The following DMD variants were observed in gnomAD, a reference collection of about 807,000 sequenced individuals.
DMD encodes mutant dystrophin.
DMD carries 63 observed loss-of-function variants against 330.1 expected under a neutral mutation model. The ratio of observed to expected loss-of-function variants is 0.19; its 90% CI spans 0.16 to 0.24. DMD has a LOEUF of 0.24. Ranked by LOEUF, DMD falls within the 10% of genes least tolerant of loss-of-function variation. The pLI is 1.00. For synonymous variants in DMD, 1,223 were observed against 959.8 expected (o/e 1.27, Z -5.07); for missense variants, 3,344 against 2,684.1 (o/e 1.25, Z -5.43).
At chrX:31,228,501 A>T (rs1011844353) in intron 63 of DMD, among the ~76,000 whole-genome samples, 1 of 111,536 alleles carries the variant, frequency 9.0e-6, no homozygotes, top group Non-Finnish European at 1.9e-5. Context: ...GGAAGAGATA[A>T]GTCTCTGCCT....
intron 44 of DMD, among the ~76,000 whole-genome samples, chrX:32,086,532 C>A (rs1243481694): frequency 1.8e-5 from 2 of 111,084 alleles, no homozygotes; most frequent in South Asian, 3.8e-4. Flanking sequence ...GGCATTCATC[C>A]TTTGTTGTTG....
intron 44 of DMD, among the ~76,000 whole-genome samples, chrX:32,048,626 C>T (rs1004319983): frequency 3.6e-5 from 4 of 110,061 alleles, no homozygotes; most frequent in African/African-American, 1.3e-4. Context: ...TTTTTTTCAT[C>T]GTACTTTTAA....
intron 76 of DMD, among the ~76,000 whole-genome samples, chrX:31,137,909 C>T (rs1310144127): frequency 1.8e-5 from 2 of 111,159 alleles, no homozygotes; most frequent in Non-Finnish European, 3.8e-5. Flanking sequence ...GAAAAGTGCT[C>T]CAGACAGAAG....
chrX:32,767,728 TA>T (rs2073157332), intron 7 of DMD, among the ~76,000 whole-genome samples: 1 of 111,917 alleles, frequency 8.9e-6, no homozygotes, highest in Admixed American at 9.5e-5. Flanking sequence ...AACTAGTCTA[TA>T]AAACATTATG....
intron 44 of DMD, among the ~76,000 whole-genome samples, chrX:31,985,922 A>G (rs1219838001): frequency 8.9e-6 from 1 of 112,059 alleles, no homozygotes; most frequent in Non-Finnish European, 1.9e-5. Context: ...GAAACGGGAG[A>G]TGCACAAAGA....
At chrX:31,804,838 CT>C (rs368248678) in intron 50 of DMD, among the ~76,000 whole-genome samples, 1,709 of 97,131 alleles carry the variant, frequency 0.018, 41 homozygotes, top group African/African-American at 0.055. Context: ...TTCAAATTTC[CT>C]TTTTTTTTTT....
Position 33,009,134 on chromosome X carries a change from A to G in DMD, c.93+11005T>C, listed in dbSNP as rs186371649. Among the ~76,000 whole-genome samples, 23 of 17,868 alleles carry G rather than the reference A, an allele frequency of 1.3e-3. 3 individuals are homozygous for G. Among genetic ancestry groups the G allele is most frequent in the African/African-American group, 4.0e-3 (16 of 4,005 alleles). The allele number at this position is 17,868 out of a possible 115,157, so 15.5% of individuals were successfully genotyped here. A position where few individuals can be genotyped will look rare whatever the true frequency, so the allele number is the denominator to read the frequency against. On this transcript the variant is annotated intron_variant, in intron 2 of 78. Transcript: ENST00000357033. ...TATGTGTATATATACGTATATATGT[A>G]TATATATGTGTATATATACGTATAT...
At chrX:32,692,445 A>G (rs1366541230) in intron 9 of DMD, among the ~76,000 whole-genome samples, 2 of 111,622 alleles carry the variant, frequency 1.8e-5, no homozygotes, top group African/African-American at 6.5e-5. Flanking sequence ...CTGTTTGCCA[A>G]TTACTTTCTA....
intron 74 of DMD, among the ~76,000 whole-genome samples, chrX:31,155,604 A>C (rs2038016913): frequency 8.9e-6 from 1 of 111,791 alleles, no homozygotes; most frequent in African/African-American, 3.3e-5. Flanking sequence ...AAATGTAGCC[A>C]ATCAGCAGTT....
At chrX:31,951,139 A>ATG (rs1331847049) in intron 45 of DMD, among the ~76,000 whole-genome samples, 2 of 72,242 alleles carry the variant, frequency 2.8e-5, no homozygotes, top group East Asian at 3.8e-4. Context: ...ATATATATAT[A>ATG]TGTGTATATA....
intron 44 of DMD, among the ~76,000 whole-genome samples, chrX:32,162,361 C>T (rs1051104846): frequency 9.1e-6 from 1 of 110,344 alleles, no homozygotes; most frequent in Non-Finnish European, 1.9e-5. Context: ...AGAGTGTGAT[C>T]TGGCTATTCT....
chrX:32,466,362 A>C (rs1043561250), intron 23 of DMD, among the ~76,000 whole-genome samples: 5 of 111,705 alleles, frequency 4.5e-5, no homozygotes, highest in African/African-American at 9.8e-5. Context: ...ATAATATTTC[A>C]TAATCCTTTT....
intron 7 of DMD, among the ~76,000 whole-genome samples, chrX:32,740,593 A>C (rs954649279): frequency 7.1e-5 from 8 of 111,927 alleles, no homozygotes; most frequent in African/African-American, 2.6e-4. Flanking sequence ...TTTAAGCATT[A>C]TATAATCATA....
chrX:33,137,315 G>C (rs369209807), intron 1 of DMD, among the ~76,000 whole-genome samples: 4 of 111,759 alleles, frequency 3.6e-5, no homozygotes, highest in African/African-American at 1.3e-4. Flanking sequence ...CACATCATCA[G>C]AAGCACTTAA....
chrX:31,817,494 G>A (rs749706455), intron 50 of DMD, among the ~76,000 whole-genome samples: 1 of 110,057 alleles, frequency 9.1e-6, no homozygotes, highest in Non-Finnish European at 1.9e-5. Context: ...CAACATTTGT[G>A]TATTTAACAT....
intron 48 of DMD, among the ~76,000 whole-genome samples, chrX:31,859,784 C>T (rs73217926): frequency 0.051 from 5,746 of 112,324 alleles, 163 homozygotes; most frequent in Non-Finnish European, 0.081. Context: ...TTAAGTATTG[C>T]AAATTGCAAG....
At chrX:32,044,712 G>T (rs533407633) in intron 44 of DMD, among the ~76,000 whole-genome samples, 1 of 111,620 alleles carries the variant, frequency 9.0e-6, no homozygotes, top group African/African-American at 3.3e-5. Flanking sequence ...GTGAGCCTCC[G>T]CACCCAGCCT....
intron 24 of DMD, 45 bp downstream of exon 24, chrX:32,464,541 T>C: frequency 2.1e-6 from 2 of 972,388 alleles, no homozygotes; most frequent in South Asian, 3.9e-5. Context: ...CAAATAATAT[T>C]CATACAAAAT....
intron 55 of DMD, among the ~76,000 whole-genome samples, chrX:31,548,772 C>T (rs1451933015): frequency 9.1e-6 from 1 of 110,467 alleles, no homozygotes; most frequent in Non-Finnish European, 1.9e-5. Context: ...GTTACTTCAG[C>T]TTTTTTTAAA....
Sources: gnomAD v4.1 joint callset for allele counts (sites outside exome capture counted in the v4.1 genomes callset) on GRCh38, gnomAD v4.1.1 for gene constraint, MANE v1.5 for transcripts, NCBI Gene and HGNC (gene_info 2026-07-23, HGNC 2026-07-21) for gene names.